The following KIF11 variants were observed in gnomAD, a reference collection of about 807,000 sequenced individuals.
KIF11 encodes the protein kinesin-like protein KIF11.
KIF11 carries 9 observed loss-of-function variants against 121.0 expected under a neutral mutation model. That is an observed-to-expected ratio of 0.07 (90% CI 0.04 to 0.13). KIF11 has a LOEUF of 0.13. Ranked by LOEUF, KIF11 falls within the 10% of genes least tolerant of loss-of-function variation. KIF11 has a pLI of 1.00. For synonymous variants in KIF11, 408 were observed against 421.0 expected, an observed-to-expected ratio of 0.97 and a Z score of 0.38; for missense variants, 846 against 1,217.5, an observed-to-expected ratio of 0.69 and a Z score of 4.54.
At chr10:92,615,910 A>T (rs1278981458) in intron 8 of KIF11, among the ~76,000 whole-genome samples, 9 of 139,444 alleles carry the variant, frequency 6.5e-5, no homozygotes, top group African/African-American at 2.2e-4. Context: ...TGTGGTTTTG[A>T]CTCACTGCAG....
rs1273921339 is a variant in KIF11 at position 92,637,485 on chromosome 10, A to G, written c.2100A>G (p.Ser700=). The change falls in exon 16 of 22, where the codon TCA becomes TCG. Residue 700 remains serine (S), a synonymous_variant. Coordinates refer to ENST00000260731, the MANE Select transcript of KIF11 (RefSeq NM_004523.4). ...ATACCATTTGTTCCTTGGTTGAGTCACAAAAGCAATGTGGAAACCTAACTG... is the reference window on the plus strand; with the variant it reads ...ATACCATTTGTTCCTTGGTTGAGTCGCAAAAGCAATGTGGAAACCTAACTG... ...QENTICSLVE[S]QKQCGNLTED... 1 of 1,609,394 alleles carries G rather than the reference A, an allele frequency of 6.2e-7. No homozygotes were observed. The highest frequency in any genetic ancestry group is 2.2e-5 in the East Asian group (1 of 44,806).
intron 19 of KIF11, among the ~76,000 whole-genome samples, chr10:92,648,764 A>C (rs1262995371): frequency 3.3e-5 from 5 of 152,186 alleles, no homozygotes; most frequent in Non-Finnish European, 7.4e-5. Flanking sequence ...AACTGACTAA[A>C]TCTAGTTTAA....
intron 1 of KIF11, among the ~76,000 whole-genome samples, chr10:92,603,780 G>T (rs1844401384): frequency 6.6e-6 from 1 of 152,174 alleles, no homozygotes; most frequent in Non-Finnish European, 1.5e-5. Context: ...GAGCCACTGT[G>T]CCTGGCCTGC....
intron 14 of KIF11, among the ~76,000 whole-genome samples, chr10:92,635,557 T>A (rs1489143142): frequency 2.0e-5 from 3 of 152,184 alleles, no homozygotes; most frequent in Admixed American, 6.5e-5. Context: ...GGGTACAGTT[T>A]ATGGTACCCC....
chr10:92,618,285 T>C (rs1483880617), intron 9 of KIF11, among the ~76,000 whole-genome samples: 2 of 151,754 alleles, frequency 1.3e-5, no homozygotes, highest in Non-Finnish European at 2.9e-5. Context: ...GATGTTTTTT[T>C]TTTTTTTAAA....
intron 19 of KIF11, 22 bp from the exon 20 acceptor site, chr10:92,649,813 T>C (rs778472207): frequency 2.0e-6 from 3 of 1,534,894 alleles, no homozygotes; most frequent in African/African-American, 1.4e-5. Context: ...AATTTTTACC[T>C]CTTATCTAAT....
rs780390017 is a variant in KIF11, at chr10:92,648,325, T to G, written c.2661T>G (p.Asp887Glu). 1 of 1,612,522 alleles carries G rather than the reference T, an allele frequency of 6.2e-7. No homozygotes were observed. The highest frequency in any genetic ancestry group is 1.1e-5 in the South Asian group (1 of 91,026). Residue 887 changes from aspartate (D) to glutamate (E), a missense_variant, in exon 19 of 22, where the codon GAT becomes GAG. Coordinates refer to ENST00000260731, the MANE Select transcript of KIF11 (RefSeq NM_004523.4). ...HNIFLDQMTI[D>E]EDKLIAQNLE... ...TTTTTCTTGATCAGATGACTATTGA[T>G]GAAGATAAATTGATAGCACAAAATC...
At chr10:92,593,758 G>T (rs1254341758) in intron 1 of KIF11, among the ~76,000 whole-genome samples, 1 of 152,166 alleles carries the variant, frequency 6.6e-6, no homozygotes, top group Non-Finnish European at 1.5e-5. Context: ...TTGGAAGTAA[G>T]ACTGAATACC....
chr10:92,605,482 A>ATTT (rs58660991), intron 1 of KIF11, among the ~76,000 whole-genome samples: 42 of 98,298 alleles, frequency 4.3e-4, no homozygotes, highest in African/African-American at 6.2e-4. Context: ...ATTTGATCGG[A>ATTT]TTTTTTTTTT....
chr10:92,622,257 A>C (rs917247011), intron 10 of KIF11, among the ~76,000 whole-genome samples: 2 of 152,070 alleles, frequency 1.3e-5, no homozygotes, highest in African/African-American at 4.8e-5. Context: ...CTGGGCAACA[A>C]GAGTGAAACT....
rs1844248372 is a variant in KIF11 at position 92,593,135 on chromosome 10, C to CT, written c.-240dup. Reference sequence around the variant, plus strand: ...GAGGCGCCGAGTCGTTGCTTAGTTTCTGGGGATTCGGGCGGAGACGAGATT... The same window carrying CT: ...GAGGCGCCGAGTCGTTGCTTAGTTTCTTGGGGATTCGGGCGGAGACGAGATT... On this transcript the variant is annotated 5_prime_UTR_variant, in exon 1 of 22. Transcript: ENST00000260731. 6.6e-6 allele frequency among the ~76,000 whole-genome samples: 1 copy of CT among 152,244 alleles called. No individual in the cohort carries two copies. Among genetic ancestry groups the CT allele is most frequent in the South Asian group, 2.1e-4 (1 of 4,838 alleles).
rs1844989545 is a variant in KIF11, at chr10:92,651,851, T to A, written c.3039+1334T>A. ...AAGTGCTGGTATCTTTTCCTCTAAT[T>A]TGAGGGTACAAGCCTAGACAGAGTG... On this transcript the variant is annotated intron_variant, in intron 21 of 21. Coordinates refer to ENST00000260731, the MANE Select transcript of KIF11 (RefSeq NM_004523.4). Among the ~76,000 whole-genome samples, 18 of 152,002 alleles carry A rather than the reference T, an allele frequency of 1.2e-4. No individual in the cohort carries two copies. The South Asian group carries it at 3.5e-3, about 30-fold the overall frequency.
chr10:92,616,950 A>T (rs1267992576), intron 9 of KIF11, 118 bp downstream of exon 9: 39 of 568,210 alleles, frequency 6.9e-5, no homozygotes, highest in Non-Finnish European at 3.1e-6. Flanking sequence ...AAGGCTTTTT[A>T]TATAGTGATT....
rs199621636 is a variant in KIF11 at position 92,649,800 on chromosome 10, T to A, written c.2771-35T>A. ...TTTTAAAAATATTTACATCTCATAC[T>A]TTAATTTTTACCTCTTATCTAATGT... On this transcript the variant is annotated intron_variant, in intron 19 of 21. Transcript: ENST00000260731. 3.0e-5 allele frequency: 44 copies of A among 1,457,032 alleles called. No individual in the cohort carries two copies. In the East Asian group the frequency reaches 9.4e-4, roughly 31 times the overall value. The allele number at this position is 1,457,032 out of a possible 1,614,324, so 90.3% of individuals were successfully genotyped here.
intron 1 of KIF11, among the ~76,000 whole-genome samples, chr10:92,594,308 A>G (rs1016292515): frequency 6.6e-6 from 1 of 152,148 alleles, no homozygotes; most frequent in Non-Finnish European, 1.5e-5. Flanking sequence ...TTCTTAGGCT[A>G]TTGTTTACTC....
chr10:92,599,647 A>T, intron 1 of KIF11, among the ~76,000 whole-genome samples: 1 of 136,050 alleles, frequency 7.4e-6, no homozygotes. Flanking sequence ...GTAATTTTAG[A>T]GTTTTCTTTT....
intron 10 of KIF11, among the ~76,000 whole-genome samples, chr10:92,627,724 A>T (rs1053785920): frequency 2.0e-5 from 3 of 152,180 alleles, no homozygotes; most frequent in Non-Finnish European, 4.4e-5. Flanking sequence ...CTGTAAGTTC[A>T]CTATAGATGA....
In KIF11 at chr10:92,613,189, A is replaced by G; in HGVS notation, c.789+59A>G. ...TTAAACACCTTATAGAGCAGCTTGA[A>G]ATTTTGTCCTTGAGACAAAATTTTT... On this transcript the variant is annotated intron_variant, in intron 7 of 21. Coordinates refer to ENST00000260731, the MANE Select transcript of KIF11 (RefSeq NM_004523.4). This position sits in a 1 kb window ranked among gnomAD's most constrained non-coding sequence, Gnocchi z 4.2. 7.3e-7 allele frequency: 1 copy of G among 1,373,026 alleles called. No individual in the cohort carries two copies. Among genetic ancestry groups the G allele is most frequent in the Non-Finnish European group, 1.0e-6 (1 of 992,006 alleles). The allele number at this position is 1,373,026 out of a possible 1,614,324, so 85.1% of individuals were successfully genotyped here. A position where few individuals can be genotyped will look rare whatever the true frequency, so the allele number is the denominator to read the frequency against.
At chr10:92,632,192 GTC>G (rs1041542841) in intron 12 of KIF11, among the ~76,000 whole-genome samples, 2 of 151,400 alleles carry the variant, frequency 1.3e-5, no homozygotes, top group African/African-American at 4.8e-5. Context: ...TTGAGACAGA[GTC>G]TCTCTCTGTC....
Sources: gnomAD v4.1 joint callset for allele counts (sites outside exome capture counted in the v4.1 genomes callset) on GRCh38, gnomAD v4.1.1 for gene constraint, Gnocchi (gnomAD v3.1) non-coding constraint, MANE v1.5 for transcripts, NCBI Gene and HGNC (gene_info 2026-07-23, HGNC 2026-07-21) for gene names.